Variants in NR1H4 observed in about 807,000 individuals in gnomAD.
NR1H4 encodes bile acid receptor.
Under a neutral mutation model 58.5 loss-of-function variants are expected in NR1H4, and 23 were observed. The ratio of observed to expected loss-of-function variants is 0.39; its 90% confidence interval spans 0.28 to 0.56. NR1H4 has a LOEUF of 0.56. Among genes scored for constraint, NR1H4 ranks in the 20% least tolerant of loss-of-function variants. The pLI is 0.58. For synonymous variants in NR1H4, 214 were observed against 198.0 expected (o/e 1.08, Z -0.68); for missense variants, 487 against 576.9 (o/e 0.84, Z 1.60).
At chr12:100,530,624 A>G (rs1954669075) in intron 4 of NR1H4, among the ~76,000 whole-genome samples, 2 of 152,214 alleles carry the variant, frequency 1.3e-5, no homozygotes, top group South Asian at 4.1e-4. Flanking sequence ...TGGAAATTAT[A>G]GAGAGGTCTT....
At chr12:100,476,564 T>A (rs1309176433) in intron 1 of NR1H4, among the ~76,000 whole-genome samples, 2 of 152,192 alleles carry the variant, frequency 1.3e-5, no homozygotes, top group Non-Finnish European at 2.9e-5. Context: ...TGAGAATGCA[T>A]ATCATGATGT....
chr12:100,525,386 T>C (rs1282529991), intron 4 of NR1H4: 1 of 152,128 alleles, frequency 6.6e-6, no homozygotes, highest in Non-Finnish European at 1.5e-5. Context: ...ACGTTGGAGA[T>C]AGGGCTTGGA....
At chr12:100,540,896 C>T in intron 9 of NR1H4, 78 bp downstream of exon 9, 1 of 1,393,236 alleles carries the variant, frequency 7.2e-7, no homozygotes, top group Non-Finnish European at 1.0e-6. Flanking sequence ...GGGGCTCTTG[C>T]CAATCTTATG....
intron 4 of NR1H4, among the ~76,000 whole-genome samples, chr12:100,523,728 A>G (rs1188401132): frequency 6.6e-6 from 1 of 152,116 alleles, no homozygotes; most frequent in Non-Finnish European, 1.5e-5. Context: ...TGGGTCATAC[A>G]CTGTTTTCAA....
intron 9 of NR1H4, among the ~76,000 whole-genome samples, chr12:100,543,699 T>C (rs1283270532): frequency 6.6e-6 from 1 of 152,098 alleles, no homozygotes; most frequent in African/African-American, 2.4e-5. Context: ...ATGGGTGGTT[T>C]AGCTAGTCAC....
intron 9 of NR1H4, among the ~76,000 whole-genome samples, chr12:100,541,740 G>A (rs1954940821): frequency 6.6e-6 from 1 of 151,740 alleles, no homozygotes; most frequent in African/African-American, 2.4e-5. Context: ...GGGACTACAG[G>A]CGCATGCCAT....
rs148174187 is a variant in NR1H4, at chr12:100,524,322, C to T, written c.446-8136C>T. On this transcript the variant is annotated intron_variant, in intron 4 of 10. Coordinates refer to ENST00000392986, the MANE Select transcript of NR1H4 (RefSeq NM_001206979.2). ...GAATTCACTTGGGCTCAGGTAGCTA[C>T]GAGCAGCATCAGGCACCTCCCAGTG... 4.1e-4 allele frequency among the ~76,000 whole-genome samples: 62 copies of T among 152,292 alleles called. No homozygotes were observed. The East Asian group carries it at 0.01, about 25-fold the overall frequency.
At chr12:100,548,139 G>A (rs1024454584) in intron 9 of NR1H4, among the ~76,000 whole-genome samples, 8 of 150,116 alleles carry the variant, frequency 5.3e-5, no homozygotes, top group African/African-American at 1.2e-4. Flanking sequence ...AGGCCGAGGC[G>A]GGTGGATCAT....
chr12:100,531,561 A>C (rs1860193919), intron 4 of NR1H4, among the ~76,000 whole-genome samples: 1 of 152,268 alleles, frequency 6.6e-6, no homozygotes, highest in South Asian at 2.1e-4. Context: ...TGCTATGCAC[A>C]AACCAGCTTA....
chr12:100,537,278 A>G (rs894004770), intron 8 of NR1H4, among the ~76,000 whole-genome samples: 7 of 152,242 alleles, frequency 4.6e-5, no homozygotes, highest in African/African-American at 1.7e-4. Context: ...TAAAATGAAA[A>G]TCATTTAATA....
rs1454157862 is a variant in NR1H4, at chr12:100,511,281, C to T, written c.445+138C>T. ...GTGCGCCTACCTCCTCCTACATCCT[C>T]ACCTTTGTTGTGTAGTCAAAGATCT... is the stretch of plus-strand genomic sequence containing the variant. On this transcript the variant is annotated intron_variant, in intron 4 of 10. Coordinates refer to ENST00000392986, the MANE Select transcript of NR1H4 (RefSeq NM_001206979.2). The T allele has an allele frequency of 3.0e-6, 3 of 1,007,642 alleles. No individual in the cohort carries two copies. In the African/African-American group the frequency reaches 4.7e-5, roughly 16 times the overall value. The allele number at this position is 1,007,642 out of a possible 1,614,324, so 62.4% of individuals were successfully genotyped here.
intron 9 of NR1H4, among the ~76,000 whole-genome samples, chr12:100,553,750 G>A (rs749183329): frequency 4.6e-5 from 7 of 152,232 alleles, no homozygotes; most frequent in South Asian, 2.1e-4. Flanking sequence ...TATCCTTGGC[G>A]TATTGACCTT....
At chr12:100,498,552 C>T (rs548796951) in intron 3 of NR1H4, among the ~76,000 whole-genome samples, 5 of 151,906 alleles carry the variant, frequency 3.3e-5, no homozygotes, top group South Asian at 2.1e-4. Context: ...GCAGGAGAAT[C>T]GCTTGAACCC....
At chr12:100,496,909 T>TTCAC (rs1397101163) in intron 3 of NR1H4, among the ~76,000 whole-genome samples, 1 of 152,188 alleles carries the variant, frequency 6.6e-6, no homozygotes, top group African/African-American at 2.4e-5. Context: ...CCCCTTACTC[T>TTCAC]TCAAAGGCTT....
rs1378357120 is a variant in NR1H4 at position 100,511,050 on chromosome 12, G to A, written c.352G>A (p.Ala118Thr). The change falls in exon 4 of 11, where the codon GCA (alanine) becomes ACA (threonine). Residue 118 changes from alanine to threonine, a missense_variant. Transcript: ENST00000392986. ...VTKKPRMGAS[A>T]GRIKGDELCV... ...AAAGAAGCCCCGCATGGGCGCGTCA[G>A]CAGGGAGGATCAAAGGGGATGAGCT... 1 of 1,614,150 alleles carries A rather than the reference G, an allele frequency of 6.2e-7. No individual in the cohort carries two copies. The highest frequency in any genetic ancestry group is 8.5e-7 in the Non-Finnish European group (1 of 1,180,058).
chr12:100,550,407 C>T (rs1955178213), intron 9 of NR1H4, among the ~76,000 whole-genome samples: 1 of 152,028 alleles, frequency 6.6e-6, no homozygotes, highest in South Asian at 2.1e-4. Context: ...TCTTATCGTC[C>T]AGGCTAGAGT....
At chr12:100,502,450 C>T (rs1953856894) in intron 3 of NR1H4, among the ~76,000 whole-genome samples, 1 of 152,166 alleles carries the variant, frequency 6.6e-6, no homozygotes, top group African/African-American at 2.4e-5. Context: ...ATCTCCGTCT[C>T]CTCTCTGTGT....
chr12:100,487,034 T>G (rs915590145), intron 1 of NR1H4, among the ~76,000 whole-genome samples: 3 of 152,118 alleles, frequency 2.0e-5, no homozygotes, highest in African/African-American at 7.2e-5. Flanking sequence ...GCAAAGGAAG[T>G]AAACCCAAAA....
At chr12:100,515,963 G>T (rs1954255211) in intron 4 of NR1H4, among the ~76,000 whole-genome samples, 1 of 152,190 alleles carries the variant, frequency 6.6e-6, no homozygotes, top group Non-Finnish European at 1.5e-5. Flanking sequence ...CAGACTTACT[G>T]AATCAGAATT....
Sources: gnomAD v4.1 joint callset for allele counts (sites outside exome capture counted in the v4.1 genomes callset) on GRCh38, gnomAD v4.1.1 for gene constraint, MANE v1.5 for transcripts, NCBI Gene and HGNC (gene_info 2026-07-23, HGNC 2026-07-21) for gene names.